SPATS2: variants seen among roughly 807,000 people sequenced by gnomAD.
The protein encoded by SPATS2 is spermatogenesis associated serine rich 2, also known as spermatogenesis-associated serine-rich protein 2.
In SPATS2, 38 loss-of-function variants were observed where a neutral mutation model predicts 63.7. The observed-to-expected ratio is 0.60, with a 90% CI of 0.46 to 0.78. The LOEUF is 0.78. SPATS2 is among the 30% of genes least tolerant of loss of function. SPATS2 has a pLI of 0.00. For synonymous variants in SPATS2, 207 were observed against 232.9 expected (o/e 0.89, Z 1.01); for missense variants, 588 against 666.2 (o/e 0.88, Z 1.29).
chr12:49,469,560 A>AAG, intron 3 of SPATS2: 1 of 432,088 alleles, frequency 2.3e-6, no homozygotes, highest in Non-Finnish European at 4.5e-6. Flanking sequence ...AAAAAAAAAA[A>AAG]AAAAGAAAAA....
chr12:49,394,479 A>G (rs1034700072), intron 2 of SPATS2, among the ~76,000 whole-genome samples: 6 of 152,126 alleles, frequency 3.9e-5, no homozygotes, highest in Non-Finnish European at 7.3e-5. Flanking sequence ...CTTCTAACCT[A>G]TGACCAGATA....
chr12:49,445,406 T>A (rs1002764933), intron 2 of SPATS2, among the ~76,000 whole-genome samples: 3 of 152,200 alleles, frequency 2.0e-5, no homozygotes, highest in Non-Finnish European at 4.4e-5. Flanking sequence ...TTTTTGCATG[T>A]TAAGCCAATC....
intron 9 of SPATS2, among the ~76,000 whole-genome samples, chr12:49,513,240 A>T (rs556027044): frequency 0.012 from 1,744 of 148,156 alleles, 24 homozygotes; most frequent in African/African-American, 0.04. Flanking sequence ...TGTGTGTTTG[A>T]GTGTGATTAC....
At chr12:49,377,540 C>G (rs1944130451) in intron 2 of SPATS2, among the ~76,000 whole-genome samples, 1 of 152,172 alleles carries the variant, frequency 6.6e-6, no homozygotes, top group South Asian at 2.1e-4. Flanking sequence ...ATCATCCTTT[C>G]ACACTGTACG....
chr12:49,442,076 C>T (rs1455553108), intron 2 of SPATS2, among the ~76,000 whole-genome samples: 1 of 152,090 alleles, frequency 6.6e-6, no homozygotes, highest in Admixed American at 6.5e-5. Flanking sequence ...TCCACATTGC[C>T]ATTGAGTATT....
rs370014199 is a variant in SPATS2 at position 49,467,043 on chromosome 12, TG to T, written c.25+6007del. On this transcript the variant is annotated intron_variant, in intron 3 of 13. Transcript: ENST00000552918. ...GTTTATTGTTAAATAATTTGTTCTT[TG>T]TTTTTTTTTTTTTTTTTTTTTTTTT... Among the ~76,000 whole-genome samples, 23 of 142,356 alleles carry T rather than the reference TG, an allele frequency of 1.6e-4. 1 individual carries two copies. The highest frequency in any genetic ancestry group is 5.2e-4 in the African/African-American group (19 of 36,704). 93.4% of individuals were successfully genotyped at this position (142,356 alleles called of 152,430 possible). A position where few individuals can be genotyped will look rare whatever the true frequency, so the allele number is the denominator to read the frequency against.
chr12:49,430,099 GTTTT>G (rs536889902), intron 2 of SPATS2, among the ~76,000 whole-genome samples: 2 of 98,466 alleles, frequency 2.0e-5, no homozygotes, highest in Non-Finnish European at 4.0e-5. Flanking sequence ...CATATTTCTT[GTTTT>G]TTTTTTTTTT....
chr12:49,515,843 C>CA (rs1946829120), intron 10 of SPATS2, among the ~76,000 whole-genome samples: 2 of 151,676 alleles, frequency 1.3e-5, no homozygotes, highest in Non-Finnish European at 2.9e-5. Context: ...CTCGTCTCTA[C>CA]AAAAAATAAG....
intron 7 of SPATS2, 28 bp from the exon 8 acceptor site, chr12:49,496,805 C>G: frequency 6.2e-7 from 1 of 1,609,000 alleles, no homozygotes; most frequent in Non-Finnish European, 8.5e-7. Flanking sequence ...AAATTGTGCT[C>G]TAAAGTACAG....
chr12:49,413,121 A>C (rs1944826909), intron 2 of SPATS2, among the ~76,000 whole-genome samples: 1 of 151,872 alleles, frequency 6.6e-6, no homozygotes, highest in Non-Finnish European at 1.5e-5. Context: ...AGTGCATAAA[A>C]CCCTCATGGT....
At chr12:49,472,965 G>T (rs1450357368) in intron 3 of SPATS2, among the ~76,000 whole-genome samples, 2 of 151,148 alleles carry the variant, frequency 1.3e-5, no homozygotes, top group African/African-American at 4.9e-5. Flanking sequence ...CTGGAGGATT[G>T]CTTGAGCCCG....
chr12:49,461,080 A>T (rs1440907899), intron 3 of SPATS2, 43 bp downstream of exon 3: 14 of 1,599,470 alleles, frequency 8.8e-6, no homozygotes, highest in Non-Finnish European at 1.1e-5. Flanking sequence ...GCATAGTTAT[A>T]ATGATCCCCA....
At chr12:49,436,953 AG>A (rs1565721407) in intron 2 of SPATS2, among the ~76,000 whole-genome samples, 1 of 123,084 alleles carries the variant, frequency 8.1e-6, no homozygotes, top group South Asian at 2.9e-4. Flanking sequence ...CTGGCCGGGC[AG>A]GGGGCTAACC....
At chr12:49,517,772 G>C (rs1056864548) in intron 10 of SPATS2, among the ~76,000 whole-genome samples, 3 of 152,064 alleles carry the variant, frequency 2.0e-5, no homozygotes, top group Non-Finnish European at 4.4e-5. Context: ...TATCTCAATG[G>C]GGAAACTATA....
At chr12:49,456,919 C>T (rs1945729283) in intron 2 of SPATS2, among the ~76,000 whole-genome samples, 1 of 151,856 alleles carries the variant, frequency 6.6e-6, no homozygotes, top group Non-Finnish European at 1.5e-5. Context: ...TAATTGTTTT[C>T]TCTGTTTTTT....
intron 8 of SPATS2, among the ~76,000 whole-genome samples, chr12:49,499,431 TTTGTTTTG>T: frequency 6.7e-6 from 1 of 148,460 alleles, no homozygotes; most frequent in East Asian, 1.9e-4. Context: ...TTTGTTTTGT[TTTGTTTTG>T]TTTTTTGGTG....
At chr12:49,480,319 A>G (rs2137808908) in intron 3 of SPATS2, among the ~76,000 whole-genome samples, 1 of 152,328 alleles carries the variant, frequency 6.6e-6, no homozygotes, top group South Asian at 2.1e-4. Flanking sequence ...GTGTGTTCAT[A>G]TTAGCTCTGC....
intron 3 of SPATS2, among the ~76,000 whole-genome samples, chr12:49,467,322 A>C (rs1261064027): frequency 6.6e-6 from 1 of 150,446 alleles, no homozygotes; most frequent in Non-Finnish European, 1.5e-5. Context: ...TTGGCCTTCC[A>C]AAGTGCTGGG....
At chr12:49,519,292 C>T in intron 11 of SPATS2, 110 bp downstream of exon 11, 1 of 820,454 alleles carries the variant, frequency 1.2e-6, no homozygotes, top group Non-Finnish European at 1.8e-6. Context: ...ATCTTCCTTT[C>T]CCAAACCTGG....
Sources: gnomAD v4.1 joint callset for allele counts (sites outside exome capture counted in the v4.1 genomes callset) on GRCh38, gnomAD v4.1.1 for gene constraint, MANE v1.5 for transcripts, NCBI Gene and HGNC (gene_info 2026-07-23, HGNC 2026-07-21) for gene names.